GRM8: variants seen among roughly 807,000 people sequenced by gnomAD.
GRM8 encodes glutamate metabotropic receptor 8.
Under a neutral mutation model 87.2 loss-of-function variants are expected in GRM8, and 47 were observed. That is an observed-to-expected ratio of 0.54 (90% confidence interval 0.43 to 0.69). The LOEUF (loss-of-function observed/expected upper bound fraction) is 0.69. Ranked by LOEUF, GRM8 falls within the 30% of genes least tolerant of loss-of-function variation. The pLI, the probability that GRM8 is intolerant of heterozygous loss-of-function variation, is 0.00. For missense variants in GRM8, 1,019 were observed against 1,139.2 expected (o/e 0.89, Z 1.52); for synonymous variants, 396 against 404.5 (o/e 0.98, Z 0.25).
intron 3 of GRM8, chr7:127,080,833 G>A (rs1314973288): frequency 2.0e-5 from 3 of 152,146 alleles, no homozygotes; most frequent in Non-Finnish European, 4.4e-5. Flanking sequence ...CGCTGCCTTT[G>A]TTTGCAGAGG....
intron 7 of GRM8, among the ~76,000 whole-genome samples, chr7:126,649,358 A>G (rs571753792): frequency 2.6e-4 from 40 of 152,212 alleles, no homozygotes; most frequent in Non-Finnish European, 4.7e-4. Context: ...AAAAGACTAG[A>G]CTGGCTTAGC....
intron 7 of GRM8, among the ~76,000 whole-genome samples, chr7:126,743,343 A>G (rs994736967): frequency 6.6e-5 from 10 of 152,128 alleles, no homozygotes; most frequent in Non-Finnish European, 8.8e-5. Context: ...ATTTGAAGAC[A>G]TATAAGGTAA....
chr7:126,444,941 T>G lies in GRM8; in HGVS notation c.2677+1185A>C, dbSNP rs150878219. 3.9e-3 allele frequency among the ~76,000 whole-genome samples: 595 copies of G among 151,078 alleles called. 21 individuals are homozygous for G. The East Asian group carries it at 0.076, about 19-fold the overall frequency. On this transcript the variant is annotated intron_variant, in intron 10 of 10. Coordinates refer to ENST00000339582, the MANE Select transcript of GRM8 (RefSeq NM_000845.3). Reference sequence around the variant, plus strand: ...TGGGAGGATCACTTGAGCCTAGGAGTTAGAGACCAGCCTGGGCAACAGAGT... The same window carrying G: ...TGGGAGGATCACTTGAGCCTAGGAGGTAGAGACCAGCCTGGGCAACAGAGT...
intron 9 of GRM8, among the ~76,000 whole-genome samples, chr7:126,500,715 G>T (rs918433557): frequency 6.6e-6 from 1 of 152,014 alleles, no homozygotes; most frequent in African/African-American, 2.4e-5. Context: ...GTGAATAAGT[G>T]TGACCAATTA....
intron 6 of GRM8, among the ~76,000 whole-genome samples, chr7:126,834,382 C>T (rs1381000008): frequency 6.6e-6 from 1 of 152,088 alleles, no homozygotes; most frequent in Non-Finnish European, 1.5e-5. Context: ...AGGGCCTCTC[C>T]CTTACAATAT....
chr7:126,573,720 G>T (rs1387525923), intron 8 of GRM8, among the ~76,000 whole-genome samples: 2 of 151,964 alleles, frequency 1.3e-5, no homozygotes, highest in Non-Finnish European at 2.9e-5. Context: ...AAGTAGCTTG[G>T]ACTACAGGGA....
chr7:126,470,647 A>G (rs970361359), intron 9 of GRM8, among the ~76,000 whole-genome samples: 4 of 152,080 alleles, frequency 2.6e-5, no homozygotes, highest in African/African-American at 9.7e-5. Flanking sequence ...GCTGCAATAA[A>G]CACACGTGTG....
intron 10 of GRM8, among the ~76,000 whole-genome samples, chr7:126,442,549 G>A (rs577811163): frequency 1.3e-5 from 2 of 151,974 alleles, no homozygotes; most frequent in African/African-American, 2.4e-5. Flanking sequence ...TAACTAAAAT[G>A]TATGAAATAG....
At chr7:126,945,166 C>A (rs932195703) in intron 3 of GRM8, among the ~76,000 whole-genome samples, 1 of 152,044 alleles carries the variant, frequency 6.6e-6, no homozygotes, top group African/African-American at 2.4e-5. Context: ...GCAAGAATGT[C>A]CCCTGCAGAA....
intron 9 of GRM8, among the ~76,000 whole-genome samples, chr7:126,485,944 T>C (rs1377738149): frequency 6.6e-6 from 1 of 152,060 alleles, no homozygotes; most frequent in Non-Finnish European, 1.5e-5. Flanking sequence ...ATTATAAACA[T>C]GACCTAAGGC....
intron 2 of GRM8, among the ~76,000 whole-genome samples, chr7:127,151,401 T>C (rs949099115): frequency 2.6e-5 from 4 of 152,092 alleles, no homozygotes; most frequent in Admixed American, 2.6e-4. Context: ...TCCTCGGATT[T>C]CTACCATTTC....
At position 126,518,018 on chromosome 7, in the gene GRM8, TAA is replaced by T. The variant is rs534360278; in HGVS notation, c.2430+14932_2430+14933del. Among the ~76,000 whole-genome samples, 353 of 152,134 alleles carry T rather than the reference TAA, an allele frequency of 2.3e-3. 3 individuals are homozygous for T. Among genetic ancestry groups the T allele is most frequent in the African/African-American group, 8.2e-3 (340 of 41,540 alleles). On this transcript the variant is annotated intron_variant, in intron 9 of 10. Transcript: ENST00000339582. ...TAGGAAGAGTCAAGAGAAAAAGACA[TAA>T]AAGGGAACTTAACTGGTTCTTGTCA...
intron 6 of GRM8, among the ~76,000 whole-genome samples, chr7:126,876,899 T>C (rs1422272695): frequency 6.6e-6 from 1 of 151,654 alleles, no homozygotes; most frequent in African/African-American, 2.4e-5. Context: ...ACTTACTGTG[T>C]AATGCTTTAT....
chr7:126,842,448 C>G (rs1354064873), intron 6 of GRM8, among the ~76,000 whole-genome samples: 2 of 152,212 alleles, frequency 1.3e-5, no homozygotes. Flanking sequence ...GAAAGAATCA[C>G]TACATATTTG....
intron 2 of GRM8, among the ~76,000 whole-genome samples, chr7:127,184,107 T>G (rs1794618315): frequency 6.6e-6 from 1 of 151,844 alleles, no homozygotes; most frequent in Admixed American, 6.6e-5. Context: ...ATGATACAAT[T>G]TCCACTATCT....
chr7:126,806,381 A>C (rs955469837), intron 6 of GRM8, among the ~76,000 whole-genome samples: 10 of 152,348 alleles, frequency 6.6e-5, no homozygotes, highest in East Asian at 1.9e-4. Flanking sequence ...ACACAGAGTG[A>C]GCAGCAGGAA....
chr7:126,813,972 T>G (rs1793533447), intron 6 of GRM8, among the ~76,000 whole-genome samples: 1 of 152,082 alleles, frequency 6.6e-6, no homozygotes, highest in Admixed American at 6.6e-5. Context: ...ACTAGCATCA[T>G]TAAAATTAGC....
At chr7:126,740,212 C>G (rs1393660300) in intron 7 of GRM8, among the ~76,000 whole-genome samples, 2 of 152,010 alleles carry the variant, frequency 1.3e-5, no homozygotes, top group African/African-American at 4.8e-5. Context: ...TACTGTTTAC[C>G]TAGCTCCTGA....
chr7:126,816,063 A>G (rs930368067), intron 6 of GRM8, among the ~76,000 whole-genome samples: 1 of 152,106 alleles, frequency 6.6e-6, no homozygotes, highest in Non-Finnish European at 1.5e-5. Context: ...CAATCTCCAC[A>G]GCAATGAGCC....
Sources: gnomAD v4.1 joint callset for allele counts (sites outside exome capture counted in the v4.1 genomes callset) on GRCh38, gnomAD v4.1.1 for gene constraint, MANE v1.5 for transcripts, NCBI Gene and HGNC (gene_info 2026-07-23, HGNC 2026-07-21) for gene names.